SH3RF3: variants seen among roughly 807,000 people sequenced by gnomAD.
The protein encoded by SH3RF3 is E3 ubiquitin-protein ligase SH3RF3.
SH3RF3 carries 29 observed loss-of-function variants against 66.3 expected under a neutral mutation model. That is an observed-to-expected ratio of 0.44 (90% CI 0.33 to 0.60). SH3RF3 has a LOEUF of 0.60. SH3RF3 is among the 20% of genes least tolerant of loss of function. The pLI is 0.04. For missense variants in SH3RF3, 1,194 were observed against 1,190.9 expected (o/e 1.00, Z -0.04); for synonymous variants, 583 against 532.0 (o/e 1.10, Z -1.32).
intron 1 of SH3RF3, among the ~76,000 whole-genome samples, chr2:109,335,723 G>A (rs1313468303): frequency 2.0e-5 from 3 of 152,138 alleles, no homozygotes; most frequent in South Asian, 2.1e-4. Context: ...CAAACCCCAC[G>A]CCAGAACCGC....
At chr2:109,205,910 A>G (rs941451475) in intron 1 of SH3RF3, among the ~76,000 whole-genome samples, 1 of 152,108 alleles carries the variant, frequency 6.6e-6, no homozygotes, top group African/African-American at 2.4e-5. Flanking sequence ...GTTATGAATT[A>G]TTTGTTGACT....
chr2:109,154,917 T>C (rs11689009), intron 1 of SH3RF3, among the ~76,000 whole-genome samples: 21,554 of 152,064 alleles, frequency 0.14, 1,689 homozygotes, highest in Middle Eastern at 0.21. Flanking sequence ...CTTTGGAGAG[T>C]GTTGGCTTTC....
At chr2:109,273,637 T>G (rs554430637) in intron 1 of SH3RF3, among the ~76,000 whole-genome samples, 2 of 152,284 alleles carry the variant, frequency 1.3e-5, no homozygotes, top group Middle Eastern at 3.4e-3. Flanking sequence ...GCTTATGGCT[T>G]CATATGATGA....
intron 1 of SH3RF3, among the ~76,000 whole-genome samples, chr2:109,296,137 C>T (rs1035011252): frequency 1.3e-5 from 2 of 152,112 alleles, no homozygotes; most frequent in Admixed American, 1.3e-4. Flanking sequence ...CTGTGCGCAG[C>T]CCCCAACCCC....
intron 1 of SH3RF3, among the ~76,000 whole-genome samples, chr2:109,269,507 G>A (rs192572632): frequency 2.6e-5 from 4 of 152,286 alleles, no homozygotes; most frequent in Admixed American, 2.0e-4. Flanking sequence ...CAAGCCAGGC[G>A]TGGTGGCTCA....
At chr2:109,480,202 T>C (rs1318835939) in intron 8 of SH3RF3, among the ~76,000 whole-genome samples, 1 of 152,222 alleles carries the variant, frequency 6.6e-6, no homozygotes, top group Non-Finnish European at 1.5e-5. Context: ...AACATCTGCA[T>C]GGCACCAAAC....
intron 1 of SH3RF3, among the ~76,000 whole-genome samples, chr2:109,309,277 A>C (rs1480847136): frequency 2.7e-5 from 4 of 148,822 alleles, no homozygotes; most frequent in South Asian, 2.1e-4. Flanking sequence ...TTGATTTTGT[A>C]TCCTGAGACT....
intron 1 of SH3RF3, among the ~76,000 whole-genome samples, chr2:109,303,629 G>A (rs1681524392): frequency 1.3e-5 from 2 of 152,250 alleles, no homozygotes; most frequent in Non-Finnish European, 2.9e-5. Flanking sequence ...AAGTCAGGGA[G>A]GCAACAGAGC....
chr2:109,358,736 C>T (rs889441970), intron 2 of SH3RF3, among the ~76,000 whole-genome samples: 1 of 152,188 alleles, frequency 6.6e-6, no homozygotes, highest in Non-Finnish European at 1.5e-5. Flanking sequence ...TGTAGCGTGT[C>T]TTCTCATTAC....
intron 7 of SH3RF3, among the ~76,000 whole-genome samples, chr2:109,442,344 TAGAA>T (rs936195306): frequency 2.6e-4 from 39 of 150,882 alleles, no homozygotes; most frequent in African/African-American, 9.5e-4. Context: ...TCCACACTAT[TAGAA>T]AGGTAAAAAT....
intron 1 of SH3RF3, among the ~76,000 whole-genome samples, chr2:109,332,459 C>T (rs1303945718): frequency 6.6e-6 from 1 of 152,192 alleles, no homozygotes; most frequent in Non-Finnish European, 1.5e-5. Context: ...GGGCTGAGTG[C>T]AGCAGAAGCA....
chr2:109,131,322 G>A (rs1404544990), intron 1 of SH3RF3, among the ~76,000 whole-genome samples: 1 of 152,180 alleles, frequency 6.6e-6, no homozygotes, highest in Non-Finnish European at 1.5e-5. Context: ...GGGGGGCACT[G>A]CTGAAGGGGA....
At chr2:109,178,876 T>C (rs1047537685) in intron 1 of SH3RF3, among the ~76,000 whole-genome samples, 3 of 152,210 alleles carry the variant, frequency 2.0e-5, no homozygotes, top group Middle Eastern at 3.2e-3. Flanking sequence ...AATTAAATGA[T>C]GACTTCATGG....
intron 1 of SH3RF3, among the ~76,000 whole-genome samples, chr2:109,233,166 G>GT (rs1679554913): frequency 6.6e-6 from 1 of 152,228 alleles, no homozygotes; most frequent in Non-Finnish European, 1.5e-5. Flanking sequence ...AACCAGCTCA[G>GT]TGGACAGTCA....
At chr2:109,358,421 G>A (rs114238146) in intron 2 of SH3RF3, among the ~76,000 whole-genome samples, 1,563 of 152,332 alleles carry the variant, frequency 0.01, 34 homozygotes, top group African/African-American at 0.036. Context: ...ACTAAGGAGT[G>A]TGATTACTAG....
At chr2:109,497,613 C>T (rs962959799) in intron 9 of SH3RF3, among the ~76,000 whole-genome samples, 1 of 152,140 alleles carries the variant, frequency 6.6e-6, no homozygotes, top group Non-Finnish European at 1.5e-5. Flanking sequence ...GACACGGACA[C>T]GACAACGGCG....
chr2:109,198,353 C>T (rs1678556092), intron 1 of SH3RF3, among the ~76,000 whole-genome samples: 1 of 136,730 alleles, frequency 7.3e-6, no homozygotes, highest in Admixed American at 7.9e-5. Context: ...TCACTTCAAA[C>T]ATCCTTGTGA....
chr2:109,134,616 G>A (rs1361809892), intron 1 of SH3RF3, among the ~76,000 whole-genome samples: 5 of 152,188 alleles, frequency 3.3e-5, no homozygotes, highest in Non-Finnish European at 5.9e-5. Context: ...TAGTTACACA[G>A]GTACGGAAAT....
chr2:109,347,644 C>T lies in SH3RF3; in HGVS notation c.574-30C>T, dbSNP rs114324192. On this transcript the variant is annotated intron_variant, in intron 1 of 9. Transcript: ENST00000309415. ...GTGGGGCATTGGGAAGGGGCATGCC[C>T]GGTGACCACATGCTGTCTGTTGCTT... 9,636 of 1,605,492 alleles carry T rather than the reference C, an allele frequency of 6.0e-3. 41 individuals carry two copies. Among genetic ancestry groups the T allele is most frequent in the Non-Finnish European group, 7.5e-3 (8,765 of 1,174,698 alleles).
Sources: allele counts gnomAD v4.1 joint callset (sites outside exome capture counted in the v4.1 genomes callset), GRCh38; gene constraint gnomAD v4.1.1; transcripts MANE v1.5; gene names NCBI Gene and HGNC (gene_info 2026-07-23, HGNC 2026-07-21).